The following FSIP1 variants were observed in gnomAD, a reference collection of about 807,000 sequenced individuals.
FSIP1 encodes fibrous sheath interacting protein 1.
In FSIP1, 65 loss-of-function variants were observed where a neutral mutation model predicts 60.9. The ratio of observed to expected loss-of-function variants is 1.07; its 90% CI spans 0.87 to 1.31. The LOEUF (loss-of-function observed/expected upper bound fraction) is 1.31, where lower values mean the gene tolerates loss of function less well. FSIP1 is among the 40% of genes most tolerant of loss of function. FSIP1 has a pLI of 0.00. For missense variants in FSIP1, 675 were observed against 665.5 expected (o/e 1.01, Z -0.16); for synonymous variants, 209 against 221.2 (o/e 0.94, Z 0.49).
At chr15:39,684,828 T>G (rs1894301309) in intron 10 of FSIP1, among the ~76,000 whole-genome samples, 1 of 152,196 alleles carries the variant, frequency 6.6e-6, no homozygotes, top group East Asian at 1.9e-4. Context: ...CTGTTCTAAG[T>G]GCTTTCCACT....
chr15:39,602,618 C>T (rs150547590), intron 11 of FSIP1, among the ~76,000 whole-genome samples: 7 of 152,282 alleles, frequency 4.6e-5, no homozygotes, highest in African/African-American at 1.7e-4. Flanking sequence ...GATGTAGAGG[C>T]AGGTGGGATG....
chr15:39,760,389 T>G (rs138794134), intron 5 of FSIP1, among the ~76,000 whole-genome samples: 4 of 152,242 alleles, frequency 2.6e-5, no homozygotes, highest in African/African-American at 7.2e-5. Flanking sequence ...ATAGTAATTT[T>G]ACAGTGCAGA....
At chr15:39,623,458 T>C (rs1384671823) in intron 10 of FSIP1, among the ~76,000 whole-genome samples, 8 of 152,214 alleles carry the variant, frequency 5.3e-5, no homozygotes. Flanking sequence ...TAGAATGTTC[T>C]AAATGATTAA....
intron 9 of FSIP1, among the ~76,000 whole-genome samples, chr15:39,714,194 C>T (rs16969678): frequency 0.015 from 2,254 of 152,162 alleles, 42 homozygotes; most frequent in African/African-American, 0.048. Context: ...CAAACAAATG[C>T]GAGCTGAATA....
At chr15:39,699,840 G>A (rs2664127) in intron 10 of FSIP1, among the ~76,000 whole-genome samples, 124,009 of 152,118 alleles carry the variant, frequency 0.82, 50,982 homozygotes, top group Non-Finnish European at 0.87. Context: ...TTCAATCACT[G>A]CCACTAGAAG....
intron 8 of FSIP1, among the ~76,000 whole-genome samples, chr15:39,736,262 C>T (rs1018601196): frequency 3.9e-5 from 6 of 152,220 alleles, no homozygotes; most frequent in Non-Finnish European, 5.9e-5. Context: ...CTCACCCACC[C>T]CTTTCCCCTA....
At chr15:39,742,019 C>T (rs1335427016) in intron 5 of FSIP1, 119 bp from the exon 6 acceptor site, 5 of 573,110 alleles carry the variant, frequency 8.7e-6, no homozygotes, top group Non-Finnish European at 1.6e-5. Flanking sequence ...GTCCCCTCCA[C>T]ACACATAAAT....
chr15:39,751,540 A>G (rs1267153978), intron 5 of FSIP1, among the ~76,000 whole-genome samples: 1 of 151,932 alleles, frequency 6.6e-6, no homozygotes, highest in East Asian at 1.9e-4. Flanking sequence ...TATGTGAAAT[A>G]AGCCAGACAC....
At chr15:39,642,546 T>G (rs1178401631) in intron 10 of FSIP1, among the ~76,000 whole-genome samples, 1 of 152,220 alleles carries the variant, frequency 6.6e-6, no homozygotes, top group Admixed American at 6.5e-5. Flanking sequence ...GGGGTAGGAA[T>G]GCACACACGT....
At chr15:39,776,334 C>T in intron 2 of FSIP1, 65 bp downstream of exon 2, 1 of 1,500,088 alleles carries the variant, frequency 6.7e-7, no homozygotes, top group Non-Finnish European at 9.1e-7. Context: ...TAACAACAAC[C>T]TTAGTTTCAT....
At chr15:39,743,979 T>A (rs1896894309) in intron 5 of FSIP1, among the ~76,000 whole-genome samples, 1 of 152,224 alleles carries the variant, frequency 6.6e-6, no homozygotes, top group African/African-American at 2.4e-5. Flanking sequence ...AGCCTGAGAT[T>A]TTTCTTTTGC....
At chr15:39,669,071 G>T (rs1944624691) in intron 10 of FSIP1, among the ~76,000 whole-genome samples, 1 of 152,204 alleles carries the variant, frequency 6.6e-6, no homozygotes, top group Non-Finnish European at 1.5e-5. Flanking sequence ...CTTCAAGAAA[G>T]GCCTTTGTGC....
chr15:39,669,868 A>G (rs1893646588), intron 10 of FSIP1, among the ~76,000 whole-genome samples: 1 of 152,220 alleles, frequency 6.6e-6, no homozygotes, highest in Non-Finnish European at 1.5e-5. Context: ...TGCATATAAA[A>G]CCAACAAGGG....
chr15:39,600,899 TCTG>T lies in FSIP1; in HGVS notation c.1724_1726del (p.Ala575del). The T allele has an allele frequency of 6.2e-7, 1 of 1,611,076 alleles. No homozygotes were observed. Among genetic ancestry groups the T allele is most frequent in the South Asian group, 1.1e-5 (1 of 90,212 alleles). Reference sequence around the variant, plus strand: ...CCTTGATTAGGGTTCTTTACATTCTTCTGCTGCATCTTTAGTCTCCTGCTCATC... The same window carrying T: ...CCTTGATTAGGGTTCTTTACATTCTTCTGCATCTTTAGTCTCCTGCTCATC... On this transcript the variant is annotated inframe_deletion, in exon 12 of 12. Coordinates refer to ENST00000350221, the MANE Select transcript of FSIP1 (RefSeq NM_152597.5).
chr15:39,663,496 G>A (rs1893381821), intron 10 of FSIP1, among the ~76,000 whole-genome samples: 1 of 152,146 alleles, frequency 6.6e-6, no homozygotes, highest in African/African-American at 2.4e-5. Flanking sequence ...CCAACATGGA[G>A]TAAAGGGAAG....
intron 10 of FSIP1, among the ~76,000 whole-genome samples, chr15:39,649,202 A>T (rs1595571925): frequency 6.6e-6 from 1 of 152,372 alleles, no homozygotes; most frequent in East Asian, 1.9e-4. Context: ...GTTTATTCAC[A>T]TAAACTGTTT....
intron 11 of FSIP1, among the ~76,000 whole-genome samples, chr15:39,607,789 A>T (rs868639915): frequency 2.2e-4 from 34 of 152,350 alleles, no homozygotes; most frequent in Middle Eastern, 3.4e-3. Context: ...AATACTTGCT[A>T]TTGAAAGAGA....
At chr15:39,706,575 CATTA>C (rs913768696) in intron 10 of FSIP1, among the ~76,000 whole-genome samples, 2 of 152,156 alleles carry the variant, frequency 1.3e-5, no homozygotes, top group African/African-American at 2.4e-5. Flanking sequence ...TATTTTTAAA[CATTA>C]ATTTATTTCT....
intron 10 of FSIP1, among the ~76,000 whole-genome samples, chr15:39,639,095 G>A (rs1892253507): frequency 6.6e-6 from 1 of 152,168 alleles, no homozygotes; most frequent in Non-Finnish European, 1.5e-5. Flanking sequence ...AGAAAAAAGA[G>A]CAAATGGCTT....
Sources: gnomAD v4.1 joint callset for allele counts (sites outside exome capture counted in the v4.1 genomes callset) on GRCh38, gnomAD v4.1.1 for gene constraint, MANE v1.5 for transcripts, NCBI Gene and HGNC (gene_info 2026-07-23, HGNC 2026-07-21) for gene names.